ABCG1: variants seen among roughly 807,000 people sequenced by gnomAD.
ABCG1 encodes ATP-binding cassette sub-family G member 1.
ABCG1 carries 29 observed loss-of-function variants against 69.2 expected under a neutral mutation model. The observed-to-expected ratio is 0.42, with a 90% confidence interval of 0.31 to 0.57. The LOEUF (loss-of-function observed/expected upper bound fraction) is 0.57. Ranked by LOEUF, ABCG1 falls within the 20% of genes least tolerant of loss-of-function variation. The pLI, the probability that ABCG1 is intolerant of heterozygous loss-of-function variation, is 0.15. For synonymous variants in ABCG1, 370 were observed against 374.8 expected, an observed-to-expected ratio of 0.99 and a Z score of 0.15; for missense variants, 718 against 898.1, an observed-to-expected ratio of 0.80 and a Z score of 2.56.
At chr21:42,283,747 C>A (rs1160347345) in intron 6 of ABCG1, among the ~76,000 whole-genome samples, 1 of 67,292 alleles carries the variant, frequency 1.5e-5, no homozygotes, top group Non-Finnish European at 3.1e-5. Context: ...GGACCCCCCA[C>A]CTCTGTCCTG....
At chr21:42,230,403 C>T (rs144925681) in intron 2 of ABCG1, among the ~76,000 whole-genome samples, 9 of 152,324 alleles carry the variant, frequency 5.9e-5, no homozygotes, top group South Asian at 2.1e-4. Flanking sequence ...GTTGATGGGA[C>T]AAATGGCTCG....
intron 5 of ABCG1, among the ~76,000 whole-genome samples, chr21:42,279,905 G>A (rs225407): frequency 7.2e-5 from 11 of 152,282 alleles, no homozygotes; most frequent in South Asian, 2.1e-4. Context: ...GTGTGTCCTC[G>A]TGGTGCCTGG....
intron 2 of ABCG1, chr21:42,201,875 A>G (rs1279541143): frequency 1.3e-6 from 2 of 1,513,358 alleles, no homozygotes; most frequent in Non-Finnish European, 1.8e-6. Context: ...GTGAGGGGCC[A>G]GCCCGAGGCA....
intron 3 of ABCG1, among the ~76,000 whole-genome samples, chr21:42,271,501 C>T (rs1366602357): frequency 6.7e-6 from 1 of 150,202 alleles, no homozygotes; most frequent in Non-Finnish European, 1.5e-5. Flanking sequence ...TTGGAGAGAA[C>T]AGGAGTGAAT....
At chr21:42,232,300 C>T (rs881395) in intron 2 of ABCG1, among the ~76,000 whole-genome samples, 47,375 of 152,142 alleles carry the variant, frequency 0.31, 7,556 homozygotes, top group Middle Eastern at 0.42. Flanking sequence ...CTCCAGCCAG[C>T]ACATTTTCTC....
At chr21:42,259,387 G>T in intron 2 of ABCG1, 1 of 1,550,390 alleles carries the variant, frequency 6.4e-7, no homozygotes, top group South Asian at 1.2e-5. Context: ...GTGACAGACT[G>T]CGTGTCCTGC....
chr21:42,242,940 G>A (rs1171074219), intron 2 of ABCG1, among the ~76,000 whole-genome samples: 1 of 152,122 alleles, frequency 6.6e-6, no homozygotes, highest in African/African-American at 2.4e-5. Flanking sequence ...ATAAGTATGG[G>A]GCGATGCTGC....
intron 2 of ABCG1, among the ~76,000 whole-genome samples, chr21:42,207,703 C>T (rs114113393): frequency 6.3e-4 from 96 of 152,314 alleles, no homozygotes; most frequent in African/African-American, 2.1e-3. Flanking sequence ...TTTGTTGACA[C>T]CCAAAAGAGG....
In ABCG1 at chr21:42,287,318, C is replaced by A. The variant is rs36078877; in HGVS notation, c.974-571C>A. On this transcript the variant is annotated intron_variant, in intron 8 of 14. Coordinates refer to ENST00000398449, the MANE Select transcript of ABCG1 (RefSeq NM_016818.3). The surrounding 1 kb of genome is among the most constrained non-coding windows in gnomAD (Gnocchi z 6.2). ...GAGTGGGGAGGTGACGATTGGGATG[C>A]GAGAGGCAGGAGCAGCGGGCAGGGC... Among the ~76,000 whole-genome samples, 3,358 of 152,128 alleles carry A rather than the reference C, an allele frequency of 0.022. 58 individuals are homozygous for A. The highest frequency in any genetic ancestry group is 0.082 in the Middle Eastern group (24 of 294).
chr21:42,283,651 TCCCCCCCC>T lies in ABCG1; in HGVS notation c.735-908_735-901del, dbSNP rs1569236251. On this transcript the variant is annotated intron_variant, in intron 6 of 14. Coordinates refer to ENST00000398449, the MANE Select transcript of ABCG1 (RefSeq NM_016818.3). ...GCTGCCTGCCTGGACAGTTGTGAAGTCCCCCCCCACCCAAATGAGTGGGGAACCCCCAC... is the reference window on the plus strand; with the variant it reads ...GCTGCCTGCCTGGACAGTTGTGAAGTACCCAAATGAGTGGGGAACCCCCAC... Among the ~76,000 whole-genome samples, 851 of 143,696 alleles carry T rather than the reference TCCCCCCCC, an allele frequency of 5.9e-3. 32 individuals are homozygous for T. Among genetic ancestry groups the T allele is most frequent in the Admixed American group, 0.052 (745 of 14,320 alleles). 94.3% of individuals were successfully genotyped at this position (143,696 alleles called of 152,430 possible).
chr21:42,276,503 C>CG lies in ABCG1; in HGVS notation c.538-391dup, dbSNP rs1239503018. On this transcript the variant is annotated intron_variant, in intron 4 of 14. Transcript: ENST00000398449. The surrounding 1 kb of genome is among the most constrained non-coding windows in gnomAD (Gnocchi z 5.3). ...ATTCAACTGAGATAGCAGGAAGCATCGCACATGGACTGCTCTCCTGCCATC... is the reference window on the plus strand; with the variant it reads ...ATTCAACTGAGATAGCAGGAAGCATCGGCACATGGACTGCTCTCCTGCCATC... 1 of 192,216 alleles carries CG rather than the reference C, an allele frequency of 5.2e-6. No individual in the cohort carries two copies. The highest frequency in any genetic ancestry group is 1.4e-4 in the East Asian group (1 of 7,188). 11.9% of individuals were successfully genotyped at this position (192,216 alleles called of 1,614,324 possible). A position where few individuals can be genotyped will look rare whatever the true frequency, so the allele number is the denominator to read the frequency against.
chr21:42,252,410 T>C (rs1280253405), intron 2 of ABCG1, among the ~76,000 whole-genome samples: 1 of 152,186 alleles, frequency 6.6e-6, no homozygotes, highest in Non-Finnish European at 1.5e-5. Context: ...AGCTCCTTAA[T>C]GTCTGTGTGT....
intron 2 of ABCG1, among the ~76,000 whole-genome samples, chr21:42,255,088 T>C (rs937338561): frequency 2.0e-5 from 3 of 152,246 alleles, no homozygotes; most frequent in Admixed American, 6.5e-5. Context: ...AAAAGACCAG[T>C]TCTGCTTTTA....
chr21:42,204,483 A>T (rs1424459729), intron 2 of ABCG1, among the ~76,000 whole-genome samples: 2 of 152,178 alleles, frequency 1.3e-5, no homozygotes, highest in East Asian at 3.8e-4. Context: ...TTTCTGCATC[A>T]ATTGGCATGA....
At position 42,273,952 on chromosome 21, in the gene ABCG1, C is replaced by T. The variant is rs554789333; in HGVS notation, c.537+517C>T. 7.3e-5 allele frequency among the ~76,000 whole-genome samples: 11 copies of T among 151,442 alleles called. No individual in the cohort carries two copies. Among genetic ancestry groups the T allele is most frequent in the African/African-American group, 2.7e-4 (11 of 41,228 alleles). Reference sequence around the variant, plus strand: ...TGGGTCCCAGGCCCTGAGCACATAGCTCTACACACACCAGATATGTCATCC... The same window carrying T: ...TGGGTCCCAGGCCCTGAGCACATAGTTCTACACACACCAGATATGTCATCC... On this transcript the variant is annotated intron_variant, in intron 4 of 14. Transcript: ENST00000398449. This position sits in a 1 kb window ranked among gnomAD's most constrained non-coding sequence, Gnocchi z 5.3.
intron 7 of ABCG1, 23 bp downstream of exon 7, chr21:42,284,706 C>T: frequency 1.9e-6 from 3 of 1,609,586 alleles, no homozygotes; most frequent in Non-Finnish European, 2.5e-6. Context: ...CGGGCCCTCC[C>T]CGCCAGATTA....
At chr21:42,217,255 G>C (rs1367416968), upstream of ABCG1, among the ~76,000 whole-genome samples, 1 of 152,198 alleles carries the variant, frequency 6.6e-6, no homozygotes, top group Non-Finnish European at 1.5e-5. Flanking sequence ...GGAATGTCTA[G>C]AAGGAAATTC....
At chr21:42,272,986 A>G (rs1328959619) in intron 3 of ABCG1, among the ~76,000 whole-genome samples, 2 of 152,180 alleles carry the variant, frequency 1.3e-5, no homozygotes, top group Non-Finnish European at 2.9e-5. Flanking sequence ...TGCTTATAGG[A>G]CCATCCCTGC....
chr21:42,225,641 A>G, intron 1 of ABCG1, 30 bp from the exon 2 acceptor site: 1 of 1,608,256 alleles, frequency 6.2e-7, no homozygotes, highest in Non-Finnish European at 8.5e-7. Flanking sequence ...AGCTTATAAC[A>G]GGTCTTGTTG....
Sources: allele counts gnomAD v4.1 joint callset (sites outside exome capture counted in the v4.1 genomes callset), GRCh38; gene constraint gnomAD v4.1.1; non-coding constraint Gnocchi (gnomAD v3.1); transcripts MANE v1.5; gene names NCBI Gene and HGNC (gene_info 2026-07-23, HGNC 2026-07-21).